The following FSTL5 variants were observed in gnomAD, a reference collection of about 807,000 sequenced individuals.
FSTL5 encodes the protein follistatin like 5.
In FSTL5, 62 loss-of-function variants were observed where a neutral mutation model predicts 89.1. The observed-to-expected ratio is 0.70, with a 90% confidence interval of 0.57 to 0.86. The LOEUF is 0.86. Ranked by LOEUF, FSTL5 falls within the 40% of genes least tolerant of loss-of-function variation. FSTL5 has a pLI of 0.00. For missense variants in FSTL5, 1,057 were observed against 1,001.6 expected, an observed-to-expected ratio of 1.06 and a Z score of -0.75; for synonymous variants, 383 against 346.2, an observed-to-expected ratio of 1.11 and a Z score of -1.18.
At chr4:161,658,261 C>A (rs1239458288) in intron 6 of FSTL5, among the ~76,000 whole-genome samples, 1 of 151,568 alleles carries the variant, frequency 6.6e-6, no homozygotes, top group Non-Finnish European at 1.5e-5. Context: ...GTGAGGAGTT[C>A]GAGCCTGGCC....
chr4:161,579,705 A>G lies in FSTL5; in HGVS notation c.1015+7750T>C, dbSNP rs80061919. ...GCACTCCAGCCTGGGCGATGGCGCA[A>G]GACCATTTCAAAAAACAAAAACAAA... is the stretch of plus-strand genomic sequence containing the variant. On this transcript the variant is annotated intron_variant, in intron 8 of 15. Coordinates refer to ENST00000306100, the MANE Select transcript of FSTL5 (RefSeq NM_020116.5). Among the ~76,000 whole-genome samples, 315 of 149,518 alleles carry G rather than the reference A, an allele frequency of 2.1e-3. 2 individuals are homozygous for G. The highest frequency in any genetic ancestry group is 2.8e-3 in the Non-Finnish European group (188 of 67,630).
chr4:161,397,617 A>G (rs1731050806), intron 15 of FSTL5, among the ~76,000 whole-genome samples: 1 of 149,510 alleles, frequency 6.7e-6, no homozygotes, highest in African/African-American at 2.4e-5. Context: ...TAATAGTATT[A>G]TAATGCTATT....
intron 4 of FSTL5, among the ~76,000 whole-genome samples, chr4:161,883,451 T>C (rs968571472): frequency 1.3e-5 from 2 of 152,218 alleles, no homozygotes; most frequent in Non-Finnish European, 2.9e-5. Flanking sequence ...TTACTGTCAA[T>C]CTTATATTAG....
chr4:161,775,826 T>C, intron 5 of FSTL5, 52 bp downstream of exon 5: 1 of 900,506 alleles, frequency 1.1e-6, no homozygotes, highest in East Asian at 2.8e-5. Context: ...AAAGTAAATA[T>C]ATTGTGCATG....
At chr4:161,822,519 T>C (rs1438989927) in intron 4 of FSTL5, among the ~76,000 whole-genome samples, 32 of 152,210 alleles carry the variant, frequency 2.1e-4, no homozygotes, top group Admixed American at 2.1e-3. Flanking sequence ...CCAAGTATAC[T>C]GCAAACAGCT....
intron 7 of FSTL5, among the ~76,000 whole-genome samples, chr4:161,611,614 G>A (rs1223561915): frequency 6.6e-6 from 1 of 152,098 alleles, no homozygotes; most frequent in Middle Eastern, 3.4e-3. Flanking sequence ...TAACCAATGA[G>A]TTGCCTCCAT....
At chr4:162,046,133 C>T (rs955129539) in intron 2 of FSTL5, among the ~76,000 whole-genome samples, 10 of 152,150 alleles carry the variant, frequency 6.6e-5, no homozygotes, top group Admixed American at 1.3e-4. Flanking sequence ...TATTGGAACA[C>T]GGGTTTTTTT....
chr4:161,687,231 A>G (rs1009628747), intron 6 of FSTL5, among the ~76,000 whole-genome samples: 1 of 152,184 alleles, frequency 6.6e-6, no homozygotes, highest in Admixed American at 6.5e-5. Context: ...TGTCACAAAT[A>G]ATTTTGTCAT....
At chr4:161,724,286 A>C (rs1424799914) in intron 6 of FSTL5, among the ~76,000 whole-genome samples, 2 of 152,170 alleles carry the variant, frequency 1.3e-5, no homozygotes, top group Non-Finnish European at 2.9e-5. Context: ...AGAATAATAA[A>C]ATAAGCATTG....
intron 8 of FSTL5, among the ~76,000 whole-genome samples, chr4:161,567,181 G>T (rs1037611665): frequency 4.6e-5 from 7 of 151,870 alleles, no homozygotes; most frequent in African/African-American, 1.7e-4. Context: ...ACATAATATG[G>T]AAGAAATAAT....
chr4:161,466,762 T>C (rs188327172), intron 13 of FSTL5, among the ~76,000 whole-genome samples: 199 of 152,286 alleles, frequency 1.3e-3, no homozygotes, highest in Non-Finnish European at 2.4e-3. Context: ...ACCAAGTTTA[T>C]AGATTCCATT....
intron 5 of FSTL5, among the ~76,000 whole-genome samples, chr4:161,768,604 T>C (rs992878871): frequency 1.3e-5 from 2 of 152,012 alleles, no homozygotes; most frequent in African/African-American, 4.8e-5. Flanking sequence ...TAATATGTAA[T>C]GTAAACCCAC....
intron 6 of FSTL5, among the ~76,000 whole-genome samples, chr4:161,706,092 T>C (rs1351971293): frequency 2.7e-5 from 4 of 148,558 alleles, no homozygotes; most frequent in African/African-American, 9.9e-5. Flanking sequence ...TGCCAGTAAG[T>C]TGAGTTTAAT....
intron 4 of FSTL5, among the ~76,000 whole-genome samples, chr4:161,914,097 G>T (rs911821260): frequency 1.3e-5 from 2 of 152,122 alleles, no homozygotes; most frequent in Admixed American, 6.5e-5. Flanking sequence ...AATTTGAATT[G>T]TATCTCCCAG....
intron 4 of FSTL5, among the ~76,000 whole-genome samples, chr4:161,861,274 A>G (rs1034985938): frequency 6.6e-6 from 1 of 152,006 alleles, no homozygotes; most frequent in Non-Finnish European, 1.5e-5. Flanking sequence ...AATACAAAAA[A>G]TAGCAGGCCA....
chr4:161,427,420 C>CAGAGATGATG (rs1329171540), intron 15 of FSTL5, among the ~76,000 whole-genome samples: 2 of 152,156 alleles, frequency 1.3e-5, no homozygotes, highest in Non-Finnish European at 2.9e-5. Flanking sequence ...GATACTAAAG[C>CAGAGATGATG]AGAGATGATG....
chr4:161,978,433 A>G (rs1258590695), intron 3 of FSTL5, among the ~76,000 whole-genome samples: 1 of 152,140 alleles, frequency 6.6e-6, no homozygotes, highest in Non-Finnish European at 1.5e-5. Context: ...AAACTGATTA[A>G]TATGCTTTAT....
chr4:161,810,810 C>T (rs1730113944), intron 4 of FSTL5, among the ~76,000 whole-genome samples: 1 of 151,984 alleles, frequency 6.6e-6, no homozygotes, highest in Admixed American at 6.6e-5. Flanking sequence ...GTAGCTGTAA[C>T]AAAAATAGTC....
chr4:161,460,582 G>A (rs1367095728), intron 13 of FSTL5, among the ~76,000 whole-genome samples: 1 of 151,958 alleles, frequency 6.6e-6, no homozygotes, highest in Non-Finnish European at 1.5e-5. Flanking sequence ...TGTTGTGGTT[G>A]GAAATATGGA....
Sources: allele counts gnomAD v4.1 joint callset (sites outside exome capture counted in the v4.1 genomes callset), GRCh38; gene constraint gnomAD v4.1.1; transcripts MANE v1.5; gene names NCBI Gene and HGNC (gene_info 2026-07-23, HGNC 2026-07-21).